SLC9C1: variants seen among roughly 807,000 people sequenced by gnomAD.
SLC9C1 encodes solute carrier family 9 member C1.
SLC9C1 carries 97 observed loss-of-function variants against 140.9 expected under a neutral mutation model. That is an observed-to-expected ratio of 0.69 (90% CI 0.58 to 0.82). The LOEUF is 0.82. Ranked by LOEUF, SLC9C1 falls within the 40% of genes least tolerant of loss-of-function variation. The pLI is 0.00. For synonymous variants in SLC9C1, 440 were observed against 442.6 expected (o/e 0.99, Z 0.07); for missense variants, 1,340 against 1,389.3 (o/e 0.96, Z 0.56).
chr3:112,262,936 T>C lies in SLC9C1; in HGVS notation c.1185A>G (p.Lys395=). ...CAGCTTTCTTTACTTGAGATTTTTC[T>C]TTGTCAGATCCAAAATAAAGATCAG... The part of the protein sequence containing the change: ...AYSDLYFGSD[K]EKSQILFHGV... Residue 395 remains lysine, a synonymous_variant, in exon 10 of 29, where the codon AAA becomes AAG. Coordinates refer to ENST00000305815, the MANE Select transcript of SLC9C1 (RefSeq NM_183061.3). The C allele has an allele frequency of 6.4e-7, 1 of 1,573,044 alleles. No homozygotes were observed. The highest frequency in any genetic ancestry group is 8.6e-7 in the Non-Finnish European group (1 of 1,166,588).
chr3:112,275,804 C>A (rs767369628), intron 5 of SLC9C1, among the ~76,000 whole-genome samples: 2 of 152,138 alleles, frequency 1.3e-5, no homozygotes, highest in Non-Finnish European at 2.9e-5. Flanking sequence ...ATTGCCTTGG[C>A]CATTCCATAC....
rs1438658021 is a variant in SLC9C1 at position 112,167,813 on chromosome 3, A to G, written c.3238-466T>C. Among the ~76,000 whole-genome samples the G allele has an allele frequency of 3.3e-5, 5 of 152,284 alleles. No homozygotes were observed. In the East Asian group the frequency reaches 9.7e-4, roughly 29 times the overall value. On this transcript the variant is annotated intron_variant, in intron 25 of 28. Coordinates refer to ENST00000305815, the MANE Select transcript of SLC9C1 (RefSeq NM_183061.3). Reference sequence around the variant, plus strand: ...ATGAGTAGGGCTCTGTTTCTAGGAAAGTAGATAGAGTTTATCAGGCTTCAG... The same window carrying G: ...ATGAGTAGGGCTCTGTTTCTAGGAAGGTAGATAGAGTTTATCAGGCTTCAG...
chr3:112,218,630 C>T (rs1007258744), intron 14 of SLC9C1, among the ~76,000 whole-genome samples: 1 of 151,834 alleles, frequency 6.6e-6, no homozygotes, highest in African/African-American at 2.4e-5. Context: ...CAAAGATAAA[C>T]CATAAAGAAA....
intron 10 of SLC9C1, among the ~76,000 whole-genome samples, chr3:112,251,193 G>A (rs2108258665): frequency 6.6e-6 from 1 of 152,092 alleles, no homozygotes; most frequent in African/African-American, 2.4e-5. Context: ...ACACACACTG[G>A]GATTCATAAA....
At chr3:112,156,446 A>G (rs935214562) in intron 26 of SLC9C1, among the ~76,000 whole-genome samples, 13 of 152,110 alleles carry the variant, frequency 8.5e-5, no homozygotes, top group Non-Finnish European at 1.2e-4. Flanking sequence ...TTGATTTCAT[A>G]TCTTGGGTGT....
intron 10 of SLC9C1, among the ~76,000 whole-genome samples, chr3:112,247,970 A>G (rs2079339893): frequency 6.6e-6 from 1 of 152,050 alleles, no homozygotes; most frequent in African/African-American, 2.4e-5. Context: ...GTATTGACTC[A>G]CTTCTAATAA....
At chr3:112,263,205 C>A in intron 9 of SLC9C1, 107 bp from the exon 10 acceptor site, 5 of 893,824 alleles carry the variant, frequency 5.6e-6, no homozygotes, top group Middle Eastern at 2.5e-4. Flanking sequence ...AACTCTCAAA[C>A]AAATGAGACA....
intron 28 of SLC9C1, among the ~76,000 whole-genome samples, 157 bp from the exon 29 acceptor site, chr3:112,141,438 G>A (rs1227538767): frequency 6.6e-6 from 1 of 152,178 alleles, no homozygotes; most frequent in Non-Finnish European, 1.5e-5. Context: ...AATTGAGCAA[G>A]TGAGTGTGAA....
chr3:112,180,657 T>G lies in SLC9C1; in HGVS notation c.2655A>C (p.Lys885Asn). ...NKDYINFIQE[K>N]AKVVTFDCGN... ...CACAATCAAATGTTACAACTTTGGC[T>G]TTTTCCTAAAAGATACCACCAAATA... Residue 885 changes from lysine to asparagine, a missense_variant, in exon 22 of 29, where the codon AAA (lysine) becomes AAC (asparagine). Coordinates refer to ENST00000305815, the MANE Select transcript of SLC9C1 (RefSeq NM_183061.3). The G allele has an allele frequency of 1.9e-6, 3 of 1,611,888 alleles. No individual in the cohort carries two copies. The highest frequency in any genetic ancestry group is 2.2e-5 in the South Asian group (2 of 90,664).
intron 10 of SLC9C1, among the ~76,000 whole-genome samples, chr3:112,244,946 A>G (rs1290011574): frequency 6.6e-6 from 1 of 152,218 alleles, no homozygotes; most frequent in African/African-American, 2.4e-5. Context: ...AATCTGAGGT[A>G]TAATGTACAT....
intron 26 of SLC9C1, among the ~76,000 whole-genome samples, chr3:112,165,981 C>T (rs1007572336): frequency 1.3e-5 from 2 of 152,196 alleles, no homozygotes; most frequent in African/African-American, 2.4e-5. Flanking sequence ...GGGTCCCCCT[C>T]CCCCAGCCTT....
chr3:112,178,591 G>A (rs2077383075), intron 23 of SLC9C1, among the ~76,000 whole-genome samples: 1 of 152,086 alleles, frequency 6.6e-6, no homozygotes, highest in African/African-American at 2.4e-5. Flanking sequence ...TAGACTTGAA[G>A]AACTTCAGAT....
intron 28 of SLC9C1, among the ~76,000 whole-genome samples, chr3:112,143,283 TAGTTCTGTTTTA>T (rs2074685839): frequency 6.6e-6 from 1 of 152,190 alleles, no homozygotes; most frequent in Non-Finnish European, 1.5e-5. Flanking sequence ...CATCAAATGG[TAGTTCTGTTTTA>T]AGTTCTTTGA....
chr3:112,263,748 T>A (rs973839394), intron 9 of SLC9C1, among the ~76,000 whole-genome samples: 2 of 151,840 alleles, frequency 1.3e-5, no homozygotes, highest in Admixed American at 6.6e-5. Context: ...ATAAACAGAC[T>A]TTTTCTACCT....
At chr3:112,143,233 G>A (rs941940454) in intron 28 of SLC9C1, among the ~76,000 whole-genome samples, 1 of 80,616 alleles carries the variant, frequency 1.2e-5, no homozygotes, top group Non-Finnish European at 2.6e-5. Context: ...AGAATAATTT[G>A]TGTATATATA....
At chr3:112,157,881 A>G (rs144306748) in intron 26 of SLC9C1, among the ~76,000 whole-genome samples, 141 of 152,040 alleles carry the variant, frequency 9.3e-4, no homozygotes, top group Middle Eastern at 3.4e-3. Context: ...GTATCCTGCA[A>G]CTTTGCTGGA....
intron 6 of SLC9C1, among the ~76,000 whole-genome samples, chr3:112,273,000 T>C (rs2080117579): frequency 6.6e-6 from 1 of 152,136 alleles, no homozygotes; most frequent in Non-Finnish European, 1.5e-5. Flanking sequence ...ATTTCTGATA[T>C]AAGTTTCCCT....
At chr3:112,236,906 A>G (rs149354727) in intron 12 of SLC9C1, among the ~76,000 whole-genome samples, 1,994 of 152,314 alleles carry the variant, frequency 0.013, 27 homozygotes, top group Non-Finnish European at 0.017. Flanking sequence ...GTTTTGGAAT[A>G]AGTGCAGTGT....
Position 112,173,156 on chromosome 3 carries a change from C to G in SLC9C1, c.2920-3828G>C, listed in dbSNP as rs773200337. 2.0e-5 allele frequency among the ~76,000 whole-genome samples: 3 copies of G among 152,126 alleles called. No homozygotes were observed. The South Asian group carries it at 6.2e-4, about 32-fold the overall frequency. ...TCCTGAAATATTTGATAAAACTCAT[C>G]AGTAAAACCATCTGGCATGGAGTTG... is the stretch of plus-strand genomic sequence containing the variant. On this transcript the variant is annotated intron_variant, in intron 23 of 28. Transcript: ENST00000305815.
Sources: gnomAD v4.1 joint callset for allele counts (sites outside exome capture counted in the v4.1 genomes callset) on GRCh38, gnomAD v4.1.1 for gene constraint, MANE v1.5 for transcripts, NCBI Gene and HGNC (gene_info 2026-07-23, HGNC 2026-07-21) for gene names.